TATDN1: variants seen among roughly 807,000 people sequenced by gnomAD.
TATDN1 encodes the protein TatD DNase domain containing 1, also known as deoxyribonuclease TATDN1.
TATDN1 carries 40 observed loss-of-function variants against 46.4 expected under a neutral mutation model. The observed-to-expected ratio is 0.86, with a 90% confidence interval of 0.67 to 1.12. The LOEUF (loss-of-function observed/expected upper bound fraction) is 1.12. Among genes scored for constraint, TATDN1 ranks in the 50% most tolerant of loss-of-function variants. TATDN1 has a pLI of 0.00. For synonymous variants in TATDN1, 95 were observed against 105.6 expected (o/e 0.90, Z 0.62); for missense variants, 326 against 348.4 (o/e 0.94, Z 0.51).
intron 1 of TATDN1, among the ~76,000 whole-genome samples, chr8:124,531,183 A>C (rs1446408191): frequency 6.6e-6 from 1 of 151,940 alleles, no homozygotes; most frequent in African/African-American, 2.4e-5. Context: ...AGCCCCTGGC[A>C]ATAAGCCTAA....
intron 8 of TATDN1, among the ~76,000 whole-genome samples, chr8:124,507,119 GCCACT>G (rs1217087600): frequency 6.6e-6 from 1 of 151,490 alleles, no homozygotes; most frequent in Non-Finnish European, 1.5e-5. Context: ...CTGAGATTGT[GCCACT>G]CCACTCCAGC....
intron 6 of TATDN1, among the ~76,000 whole-genome samples, chr8:124,513,043 T>A (rs769300478): frequency 6.6e-6 from 1 of 152,014 alleles, no homozygotes; most frequent in Non-Finnish European, 1.5e-5. Flanking sequence ...GCCTCCCAAG[T>A]AGCTGGGATT....
chr8:124,522,767 C>G (rs1352577653), intron 2 of TATDN1, among the ~76,000 whole-genome samples, 170 bp downstream of exon 2: 1 of 152,142 alleles, frequency 6.6e-6, no homozygotes, highest in Non-Finnish European at 1.5e-5. Context: ...GTTGCCCAGG[C>G]TGCTCTTGAA....
chr8:124,534,946 C>T (rs538656135), intron 1 of TATDN1, among the ~76,000 whole-genome samples: 32 of 152,310 alleles, frequency 2.1e-4, no homozygotes, highest in Non-Finnish European at 2.8e-4. Context: ...CATTCAAAAA[C>T]GGCCAGGTGG....
intron 4 of TATDN1, among the ~76,000 whole-genome samples, chr8:124,517,488 A>C (rs1469431218): frequency 6.6e-6 from 1 of 152,102 alleles, no homozygotes; most frequent in Non-Finnish European, 1.5e-5. Flanking sequence ...GATTTTAGAG[A>C]GATTTCCATA....
intron 11 of TATDN1, among the ~76,000 whole-genome samples, chr8:124,493,584 C>CA (rs1402389675): frequency 1.3e-5 from 2 of 152,170 alleles, no homozygotes; most frequent in Admixed American, 1.3e-4. Context: ...TAGAGGCTGT[C>CA]AAATCATTTA....
chr8:124,508,998 A>G (rs1425395409), intron 6 of TATDN1, among the ~76,000 whole-genome samples: 1 of 152,242 alleles, frequency 6.6e-6, no homozygotes. Context: ...CGAGAAGCCC[A>G]GGAGAGCTTC....
chr8:124,516,739 G>A (rs547504212), intron 4 of TATDN1, among the ~76,000 whole-genome samples: 108 of 152,274 alleles, frequency 7.1e-4, no homozygotes, highest in Non-Finnish European at 1.4e-3. Flanking sequence ...CCCTTAAACA[G>A]GTTAATAGTG....
At chr8:124,535,242 G>T (rs1821329976) in intron 1 of TATDN1, among the ~76,000 whole-genome samples, 1 of 152,214 alleles carries the variant, frequency 6.6e-6, no homozygotes, top group Admixed American at 6.5e-5. Flanking sequence ...GGTTTCAGGA[G>T]TTGTGCACAA....
At chr8:124,535,941 C>A (rs1246387346) in intron 1 of TATDN1, among the ~76,000 whole-genome samples, 1 of 152,144 alleles carries the variant, frequency 6.6e-6, no homozygotes, top group Non-Finnish European at 1.5e-5. Flanking sequence ...TGGGAAGTGA[C>A]CCAAACACCT....
intron 2 of TATDN1, 28 bp from the exon 3 acceptor site, chr8:124,522,228 A>G: frequency 6.7e-7 from 1 of 1,500,206 alleles, no homozygotes; most frequent in Non-Finnish European, 9.1e-7. Context: ...TGTATTATGA[A>G]AACCTGGCAG....
intron 1 of TATDN1, among the ~76,000 whole-genome samples, chr8:124,537,439 A>G (rs1821548011): frequency 6.6e-6 from 1 of 152,210 alleles, no homozygotes. Flanking sequence ...GGGATGGGCT[A>G]GAAAAGTGGG....
intron 1 of TATDN1, 172 bp from the exon 2 acceptor site, chr8:124,523,174 A>C: frequency 1.7e-6 from 1 of 596,978 alleles, no homozygotes; most frequent in Non-Finnish European, 3.0e-6. Context: ...ACAAAGATGA[A>C]TAGGATATAA....
intron 9 of TATDN1, among the ~76,000 whole-genome samples, chr8:124,500,335 A>T (rs1817846926): frequency 6.6e-6 from 1 of 152,248 alleles, no homozygotes; most frequent in African/African-American, 2.4e-5. Flanking sequence ...TTCTGAAGCT[A>T]ATATTAATGT....
At chr8:124,522,683 T>C (rs997231224) in intron 2 of TATDN1, among the ~76,000 whole-genome samples, 2 of 152,186 alleles carry the variant, frequency 1.3e-5, no homozygotes, top group Non-Finnish European at 2.9e-5. Context: ...CCTCCCAAAG[T>C]GCTGGGATTA....
At chr8:124,521,174 G>C (rs1820015829) in intron 3 of TATDN1, among the ~76,000 whole-genome samples, 1 of 152,122 alleles carries the variant, frequency 6.6e-6, no homozygotes, top group Non-Finnish European at 1.5e-5. Context: ...ATAAAGCTAT[G>C]AAAAATGAAG....
intron 8 of TATDN1, among the ~76,000 whole-genome samples, chr8:124,507,275 G>A (rs1818544803): frequency 6.6e-6 from 1 of 152,194 alleles, no homozygotes; most frequent in Non-Finnish European, 1.5e-5. Flanking sequence ...AGTGTTTAGT[G>A]CAGAATGCAA....
chr8:124,510,171 T>G (rs1818885783), intron 6 of TATDN1, among the ~76,000 whole-genome samples: 1 of 152,234 alleles, frequency 6.6e-6, no homozygotes, highest in Non-Finnish European at 1.5e-5. Flanking sequence ...AAAAATATTT[T>G]CCTTTCATTA....
intron 9 of TATDN1, chr8:124,503,736 C>A: frequency 2.7e-6 from 1 of 367,724 alleles, no homozygotes; most frequent in Admixed American, 3.0e-5. Flanking sequence ...GCTGTGCTAG[C>A]TGACTGTACT....
Sources: gnomAD v4.1 joint callset for allele counts (sites outside exome capture counted in the v4.1 genomes callset) on GRCh38, gnomAD v4.1.1 for gene constraint, MANE v1.5 for transcripts, NCBI Gene and HGNC (gene_info 2026-07-23, HGNC 2026-07-21) for gene names.